The following TBPL2 variants were observed in gnomAD, a reference collection of about 807,000 sequenced individuals.
TBPL2 encodes TATA box-binding protein-like 2.
Under a neutral mutation model 38.2 loss-of-function variants are expected in TBPL2, and 40 were observed. The observed-to-expected ratio is 1.05, with a 90% CI of 0.81 to 1.36. The LOEUF is 1.36. TBPL2 is among the 40% of genes most tolerant of loss of function. The probability of loss-of-function intolerance (pLI) is 0.00; values close to 1 mark genes in which losing one functional copy is unlikely to be tolerated. For synonymous variants in TBPL2, 169 were observed against 171.7 expected, an observed-to-expected ratio of 0.98 and a Z score of 0.12; for missense variants, 461 against 456.7, an observed-to-expected ratio of 1.01 and a Z score of -0.09.
rs1246817985 is a variant in TBPL2, at chr14:55,436,072, G to A, written c.609-138C>T. 1.3e-5 allele frequency: 7 copies of A among 519,354 alleles called. No individual in the cohort carries two copies. The East Asian group carries it at 2.4e-4, about 18-fold the overall frequency. The allele number at this position is 519,354 out of a possible 1,614,324, so 32.2% of individuals were successfully genotyped here. A position where few individuals can be genotyped will look rare whatever the true frequency, so the allele number is the denominator to read the frequency against. ...GAATTATTCCAAATGTGAAATACAT[G>A]ACATGATTCCTAGTTAAGTGTAAAA... On this transcript the variant is annotated intron_variant, in intron 2 of 6. Transcript: ENST00000247219.
At chr14:55,433,284 A>C (rs1217908052) in intron 4 of TBPL2, among the ~76,000 whole-genome samples, 1 of 148,782 alleles carries the variant, frequency 6.7e-6, no homozygotes, top group African/African-American at 2.5e-5. Context: ...ATGCACCACC[A>C]CATCCAGCTA....
chr14:55,431,875 C>A (rs1385974356), intron 4 of TBPL2, among the ~76,000 whole-genome samples: 1 of 152,206 alleles, frequency 6.6e-6, no homozygotes, highest in Non-Finnish European at 1.5e-5. Flanking sequence ...GTGGCTATAT[C>A]ATTGCATTAA....
At chr14:55,431,919 A>G (rs1048595841) in intron 4 of TBPL2, among the ~76,000 whole-genome samples, 1 of 152,220 alleles carries the variant, frequency 6.6e-6, no homozygotes, top group African/African-American at 2.4e-5. Context: ...CATCTAGAGA[A>G]AGCTCTAAGT....
chr14:55,419,239 C>T (rs1193216114), intron 6 of TBPL2, among the ~76,000 whole-genome samples: 2 of 152,198 alleles, frequency 1.3e-5, no homozygotes, highest in African/African-American at 2.4e-5. Flanking sequence ...TGCTTGATAT[C>T]GTTAAGTTTA....
At chr14:55,420,785 T>A (rs989440287) in intron 6 of TBPL2, among the ~76,000 whole-genome samples, 1 of 151,948 alleles carries the variant, frequency 6.6e-6, no homozygotes, top group Non-Finnish European at 1.5e-5. Context: ...GGGGGTTGGG[T>A]GCGGTGGCTC....
chr14:55,432,223 T>A (rs1172878646), intron 4 of TBPL2, among the ~76,000 whole-genome samples: 3 of 139,166 alleles, frequency 2.2e-5, no homozygotes, highest in Admixed American at 7.6e-5. Context: ...GCCTGGGCAA[T>A]ATGGGGAAAC....
In TBPL2 at chr14:55,432,146, G is replaced by A. The variant is rs538384878; in HGVS notation, c.788+1484C>T. The stretch of plus-strand genomic sequence containing the variant: ...CCATAGGCCAGATGTAGTAGCTCAC[G>A]CCTGTAATCCCAGCACTTTGGGAGA... On this transcript the variant is annotated intron_variant, in intron 4 of 6. Coordinates refer to ENST00000247219, the Ensembl canonical transcript of TBPL2. Among the ~76,000 whole-genome samples the A allele has an allele frequency of 1.2e-4, 18 of 151,436 alleles. 1 individual carries two copies. The South Asian group carries it at 3.5e-3, about 30-fold the overall frequency.
intron 1 of TBPL2, 136 bp from the exon 2 acceptor site, chr14:55,437,154 C>T (rs1431174284): frequency 1.4e-6 from 1 of 738,074 alleles, no homozygotes; most frequent in Non-Finnish European, 2.2e-6. Context: ...TGTATTCATG[C>T]ACTGCTTTTT....
At chr14:55,435,743 A>AT (rs1886001927) in intron 3 of TBPL2, 104 bp downstream of exon 3, 4 of 879,392 alleles carry the variant, frequency 4.5e-6, no homozygotes, top group Admixed American at 3.4e-5. Flanking sequence ...TTCAGTAACA[A>AT]TTTTTTAAGA....
exon 1 of TBPL2, chr14:55,440,467 T>C: frequency 6.2e-7 from 1 of 1,611,968 alleles, no homozygotes; most frequent in Non-Finnish European, 8.5e-7. Flanking sequence ...AATCCCACTG[T>C]TGGGGGTGGG....
At chr14:55,438,891 A>C (rs1389549272) in intron 1 of TBPL2, 1 of 150,764 alleles carries the variant, frequency 6.6e-6, no homozygotes, top group Admixed American at 6.6e-5. Flanking sequence ...TGTCTTTATA[A>C]AAAAATTCTC....
At chr14:55,416,719 G>T (rs1453124894) in intron 6 of TBPL2, among the ~76,000 whole-genome samples, 2 of 152,190 alleles carry the variant, frequency 1.3e-5, no homozygotes, top group Non-Finnish European at 2.9e-5. Flanking sequence ...TGGTTTGATG[G>T]ACTTTTTGGG....
chr14:55,431,708 C>A (rs1320544519), intron 4 of TBPL2, among the ~76,000 whole-genome samples: 2 of 152,136 alleles, frequency 1.3e-5, no homozygotes, highest in African/African-American at 4.8e-5. Context: ...AACAATGGAT[C>A]CTTCAATAAA....
rs778066817 is a variant in TBPL2, at chr14:55,414,491, TA to T, written c.1052-37del. 9.0e-6 allele frequency: 13 copies of T among 1,442,556 alleles called. No homozygotes were observed. In the African/African-American group the frequency reaches 1.5e-4, roughly 16 times the overall value. The allele number at this position is 1,442,556 out of a possible 1,614,324, so 89.4% of individuals were successfully genotyped here. A position where few individuals can be genotyped will look rare whatever the true frequency, so the allele number is the denominator to read the frequency against. Reference sequence around the variant, plus strand: ...ATCCAGGTTTATATAATTTTTAATATAAAAATACCAACATTTACTTAAACAC... The same window carrying T: ...ATCCAGGTTTATATAATTTTTAATATAAAATACCAACATTTACTTAAACAC... On this transcript the variant is annotated intron_variant, in intron 6 of 6. Coordinates refer to ENST00000247219, the Ensembl canonical transcript of TBPL2.
chr14:55,426,048 C>T (rs1018071968), intron 5 of TBPL2, among the ~76,000 whole-genome samples: 1 of 151,984 alleles, frequency 6.6e-6, no homozygotes, highest in Non-Finnish European at 1.5e-5. Flanking sequence ...GGGTGGATCG[C>T]CTGAGGTCAG....
intron 6 of TBPL2, among the ~76,000 whole-genome samples, chr14:55,422,024 G>A (rs1346491075): frequency 6.6e-6 from 1 of 152,104 alleles, no homozygotes; most frequent in Non-Finnish European, 1.5e-5. Context: ...GGGGAAATTG[G>A]CCTTATTAGA....
chr14:55,432,313 C>G lies in TBPL2; in HGVS notation c.788+1317G>C, dbSNP rs983132956. Among the ~76,000 whole-genome samples the G allele has an allele frequency of 3.3e-5, 5 of 150,574 alleles. No individual in the cohort carries two copies. The East Asian group carries it at 9.7e-4, about 29-fold the overall frequency. ...CTGTGGTCCCAGCTACTTAAGAGGC[C>G]GAGCTGGAAGGATGGCTCCAGCCCG... On this transcript the variant is annotated intron_variant, in intron 4 of 6. Transcript: ENST00000247219.
intron 5 of TBPL2, among the ~76,000 whole-genome samples, chr14:55,426,690 C>G (rs969527231): frequency 1.3e-5 from 2 of 149,310 alleles, no homozygotes; most frequent in Non-Finnish European, 3.0e-5. Context: ...TGTGGGAATA[C>G]AAAGCAAGCT....
At chr14:55,432,597 GTTAT>G (rs1283407096) in intron 4 of TBPL2, among the ~76,000 whole-genome samples, 1 of 152,148 alleles carries the variant, frequency 6.6e-6, no homozygotes, top group Non-Finnish European at 1.5e-5. Flanking sequence ...CTTCTAAAAA[GTTAT>G]TTAATCTCAC....
Sources: gnomAD v4.1 joint callset for allele counts (sites outside exome capture counted in the v4.1 genomes callset) on GRCh38, gnomAD v4.1.1 for gene constraint, MANE v1.5 for transcripts, NCBI Gene and HGNC (gene_info 2026-07-23, HGNC 2026-07-21) for gene names.